The following APP variants were observed in gnomAD, a reference collection of about 807,000 sequenced individuals.
The protein encoded by APP is amyloid beta precursor protein.
APP carries 31 observed loss-of-function variants against 101.4 expected under a neutral mutation model. The ratio of observed to expected loss-of-function variants is 0.31; its 90% CI spans 0.23 to 0.41. The LOEUF (loss-of-function observed/expected upper bound fraction) is 0.41. Ranked by LOEUF, APP falls within the 10% of genes least tolerant of loss-of-function variation. APP has a pLI of 1.00. For missense variants in APP, 839 were observed against 1,003.7 expected (o/e 0.84, Z 2.22); for synonymous variants, 366 against 364.4 (o/e 1.00, Z -0.05).
intron 8 of APP, among the ~76,000 whole-genome samples, chr21:25,991,574 C>T (rs576872741): frequency 2.0e-5 from 3 of 152,298 alleles, no homozygotes; most frequent in South Asian, 2.1e-4. Context: ...GATGGGGTTT[C>T]GCCATGTTGG....
intron 13 of APP, among the ~76,000 whole-genome samples, chr21:25,949,385 T>C (rs1296425997): frequency 6.6e-6 from 1 of 152,224 alleles, no homozygotes; most frequent in Non-Finnish European, 1.5e-5. Context: ...CCCTGATTTA[T>C]GCTTTGTTAT....
At chr21:26,100,993 AAGCCCCTAGACCCT>A (rs778198560) in intron 2 of APP, among the ~76,000 whole-genome samples, 32 of 152,052 alleles carry the variant, frequency 2.1e-4, no homozygotes, top group African/African-American at 3.1e-4. Context: ...CACCTTCAAG[AAGCCCCTAGACCCT>A]AGCCCCTAGC....
intron 2 of APP, among the ~76,000 whole-genome samples, chr21:26,099,892 C>T (rs962432767): frequency 7.9e-5 from 12 of 152,156 alleles, no homozygotes; most frequent in African/African-American, 1.2e-4. Flanking sequence ...TGCTGCAGGG[C>T]GTTAGAATAT....
intron 6 of APP, among the ~76,000 whole-genome samples, chr21:26,018,237 A>C (rs2044187906): frequency 6.6e-6 from 1 of 152,258 alleles, no homozygotes; most frequent in Non-Finnish European, 1.5e-5. Flanking sequence ...ATATGTTGGT[A>C]ATGATGACAA....
Position 26,156,331 on chromosome 21 carries a change from A to C in APP, c.57+14233T>G, listed in dbSNP as rs564888687. 2.0e-5 allele frequency among the ~76,000 whole-genome samples: 3 copies of C among 152,364 alleles called. No homozygotes were observed. The South Asian group carries it at 6.2e-4, about 32-fold the overall frequency. The stretch of plus-strand genomic sequence containing the variant: ...TGTATCAATTTGTTTAATATATTTT[A>C]AATGAACAAAGAAGCAGAGATAGTT... On this transcript the variant is annotated intron_variant, in intron 1 of 17. Coordinates refer to ENST00000346798, the MANE Select transcript of APP (RefSeq NM_000484.4).
chr21:25,907,740 C>A (rs1169324041), intron 14 of APP, among the ~76,000 whole-genome samples: 1 of 152,172 alleles, frequency 6.6e-6, no homozygotes, highest in Non-Finnish European at 1.5e-5. Flanking sequence ...CTGCCTTGTA[C>A]AAACTCTCTA....
chr21:25,908,875 G>A (rs1227841090), intron 14 of APP, among the ~76,000 whole-genome samples: 1 of 152,158 alleles, frequency 6.6e-6, no homozygotes, highest in Admixed American at 6.5e-5. Flanking sequence ...ACATAGCAGG[G>A]CTGGAATTTA....
At chr21:26,001,215 A>G (rs1342243111) in intron 6 of APP, among the ~76,000 whole-genome samples, 1 of 152,184 alleles carries the variant, frequency 6.6e-6, no homozygotes, top group African/African-American at 2.4e-5. Context: ...CACCCTCCCC[A>G]AGATCAGTTT....
chr21:26,077,939 A>T (rs731524), intron 3 of APP, among the ~76,000 whole-genome samples: 7,389 of 152,290 alleles, frequency 0.049, 381 homozygotes, highest in East Asian at 0.23. Context: ...CACTGAAACA[A>T]ATATTGAGAA....
intron 12 of APP, 150 bp from the exon 13 acceptor site, chr21:25,954,839 T>A: frequency 1.8e-6 from 1 of 551,532 alleles, no homozygotes; most frequent in Non-Finnish European, 2.9e-6. Context: ...GATACAAACT[T>A]CCAAAAGAAA....
In APP at chr21:25,973,215, A is replaced by C. The variant is rs1285931855; in HGVS notation, c.1458+1855T>G. Among the ~76,000 whole-genome samples the C allele has an allele frequency of 2.0e-5, 3 of 152,184 alleles. No individual in the cohort carries two copies. The East Asian group carries it at 5.8e-4, about 29-fold the overall frequency. On this transcript the variant is annotated intron_variant, in intron 11 of 17. Transcript: ENST00000346798. ...ACAAGGAACAGACTGGACAAATAGC[A>C]AACAAATATCAAGATGACAGATTCA...
Position 25,905,060 on chromosome 21 carries a change from G to A in APP, c.1927C>T (p.Arg643Cys), listed in dbSNP as rs2038718917. 2 of 1,613,886 alleles carry A rather than the reference G, an allele frequency of 1.2e-6. No homozygotes were observed. The highest frequency in any genetic ancestry group is 1.7e-6 in the Non-Finnish European group (2 of 1,179,960). ...TENEVEPVDA[R>C]PAADRGLTTR... Reference sequence around the variant, plus strand: ...GTCAGTCCTCGGTCGGCAGCAGGGCGGGCATCAACAGGCTCAACTGGGCAC... The same window carrying A: ...GTCAGTCCTCGGTCGGCAGCAGGGCAGGCATCAACAGGCTCAACTGGGCAC... Residue 643 changes from arginine (R) to cysteine (C), a missense_variant, in exon 15 of 18, where the codon CGC (arginine) becomes TGC (cysteine). Transcript: ENST00000346798.
chr21:26,147,818 A>C (rs1476614377), intron 1 of APP, among the ~76,000 whole-genome samples: 1 of 152,074 alleles, frequency 6.6e-6, no homozygotes, highest in Admixed American at 6.5e-5. Flanking sequence ...TCAAAAAAAA[A>C]ACCTGAAGTC....
chr21:25,938,899 A>T (rs1449647623), intron 13 of APP, among the ~76,000 whole-genome samples: 2 of 152,230 alleles, frequency 1.3e-5, no homozygotes, highest in African/African-American at 4.8e-5. Flanking sequence ...CCTCAAGCCC[A>T]CATTAACAAG....
At position 25,897,560 on chromosome 21, in the gene APP, T is replaced by A. The variant is rs780018025; in HGVS notation, c.2064+13A>T. On this transcript the variant is annotated intron_variant, in intron 16 of 17. Transcript: ENST00000346798. ...ACAAACAGTAGTGGAAAGAGGTAAA[T>A]TATTTTACGTACCAATTTTTGATGA... 5.6e-6 allele frequency: 9 copies of A among 1,597,730 alleles called. No homozygotes were observed. In the East Asian group the frequency reaches 2.0e-4, roughly 36 times the overall value.
intron 3 of APP, among the ~76,000 whole-genome samples, chr21:26,083,784 A>T (rs774868574): frequency 3.9e-5 from 6 of 152,236 alleles, no homozygotes; most frequent in Non-Finnish European, 7.3e-5. Flanking sequence ...ATATCAGCAA[A>T]GCCCACTCAT....
chr21:26,012,975 C>CAACAAAACAAAACAA lies in APP; in HGVS notation c.865+8850_865+8864dup, dbSNP rs146168082. Among the ~76,000 whole-genome samples, 981 of 147,824 alleles carry CAACAAAACAAAACAA rather than the reference C, an allele frequency of 6.6e-3. 18 individuals carry two copies. Among genetic ancestry groups the CAACAAAACAAAACAA allele is most frequent in the Middle Eastern group, 0.024 (7 of 292 alleles). On this transcript the variant is annotated intron_variant, in intron 6 of 17. Transcript: ENST00000346798. The stretch of plus-strand genomic sequence containing the variant: ...AGCCTGGGTGACTGAGACTCCATGT[C>CAACAAAACAAAACAA]AACAAAACAAAACAAAACAAAACAA...
intron 5 of APP, among the ~76,000 whole-genome samples, chr21:26,023,682 G>A (rs910684192): frequency 6.6e-6 from 1 of 152,280 alleles, no homozygotes; most frequent in Non-Finnish European, 1.5e-5. Flanking sequence ...CAGCCAGGGA[G>A]ACAAAGACAC....
chr21:26,091,713 A>C (rs1409607581), intron 2 of APP, among the ~76,000 whole-genome samples: 1 of 152,108 alleles, frequency 6.6e-6, no homozygotes, highest in Admixed American at 6.5e-5. Context: ...CTTCAAGCTG[A>C]GGTAGGGGGG....
Sources: allele counts gnomAD v4.1 joint callset (sites outside exome capture counted in the v4.1 genomes callset), GRCh38; gene constraint gnomAD v4.1.1; transcripts MANE v1.5; gene names NCBI Gene and HGNC (gene_info 2026-07-23, HGNC 2026-07-21).